Variants in BDP1 observed in about 807,000 individuals in gnomAD.
BDP1 encodes BDP1 general transcription factor IIIB subunit.
Under a neutral mutation model 266.6 loss-of-function variants are expected in BDP1, and 169 were observed. The observed-to-expected ratio is 0.63, with a 90% confidence interval of 0.56 to 0.72. The LOEUF (loss-of-function observed/expected upper bound fraction) is 0.72. BDP1 is among the 30% of genes least tolerant of loss of function. The pLI, the probability that BDP1 is intolerant of heterozygous loss-of-function variation, is 0.00. For missense variants in BDP1, 3,015 were observed against 3,053.8 expected, an observed-to-expected ratio of 0.99 and a Z score of 0.30; for synonymous variants, 1,090 against 1,022.4, an observed-to-expected ratio of 1.07 and a Z score of -1.26.
intron 26 of BDP1, among the ~76,000 whole-genome samples, chr5:71,536,755 A>C (rs1766623605): frequency 1.3e-5 from 2 of 152,250 alleles, no homozygotes; most frequent in South Asian, 2.1e-4. Context: ...GCCTGGGCCC[A>C]GGAGGTTGAG....
chr5:71,528,306 C>G (rs186295421), intron 25 of BDP1, among the ~76,000 whole-genome samples: 1 of 152,170 alleles, frequency 6.6e-6, no homozygotes, highest in Non-Finnish European at 1.5e-5. Flanking sequence ...ACTAGAGAAA[C>G]GTGTTGAACA....
At chr5:71,460,020 A>G (rs1460285162) in intron 2 of BDP1, among the ~76,000 whole-genome samples, 2 of 152,206 alleles carry the variant, frequency 1.3e-5, no homozygotes, top group Admixed American at 6.5e-5. Context: ...GAGATGCTCA[A>G]CCTCTATCTA....
chr5:71,506,421 T>C (rs1764578929), intron 16 of BDP1, among the ~76,000 whole-genome samples: 1 of 152,128 alleles, frequency 6.6e-6, no homozygotes, highest in Admixed American at 6.6e-5. Context: ...CCACATATGT[T>C]GGCCTGTTCA....
intron 11 of BDP1, among the ~76,000 whole-genome samples, chr5:71,493,513 A>G (rs1332293705): frequency 6.6e-6 from 1 of 152,178 alleles, no homozygotes; most frequent in African/African-American, 2.4e-5. Flanking sequence ...AGCATGAGCC[A>G]CTGTGTCTGG....
At chr5:71,530,751 G>A (rs930791934) in intron 25 of BDP1, among the ~76,000 whole-genome samples, 2 of 152,122 alleles carry the variant, frequency 1.3e-5, no homozygotes, top group African/African-American at 2.4e-5. Flanking sequence ...TTGTATCTGA[G>A]GAAACAGATG....
chr5:71,527,659 T>G (rs1356568769), intron 25 of BDP1, among the ~76,000 whole-genome samples: 2 of 152,172 alleles, frequency 1.3e-5, no homozygotes, highest in Admixed American at 1.3e-4. Flanking sequence ...GTTTATTCCT[T>G]TATCATCAAT....
chr5:71,461,728 G>T, intron 2 of BDP1, 89 bp from the exon 3 acceptor site: 1 of 695,120 alleles, frequency 1.4e-6, no homozygotes, highest in Non-Finnish European at 2.5e-6. Flanking sequence ...CACTTACAGT[G>T]AACGCAACAG....
chr5:71,504,776 A>T (rs1764481533), intron 16 of BDP1, 25 bp downstream of exon 16: 13 of 1,604,804 alleles, frequency 8.1e-6, no homozygotes, highest in Non-Finnish European at 9.3e-6. Flanking sequence ...GTTGATATAT[A>T]ATCTTTGGAT....
intron 9 of BDP1, 39 bp downstream of exon 9, chr5:71,486,666 A>G (rs370385966): frequency 4.1e-6 from 6 of 1,454,030 alleles, no homozygotes; most frequent in Non-Finnish European, 5.4e-6. Flanking sequence ...TTTACTTAGT[A>G]GTAATAAACT....
chr5:71,576,225 T>C, the BDP1 span, among the ~76,000 whole-genome samples: 2 of 152,168 alleles, frequency 1.3e-5, no homozygotes, highest in Admixed American at 6.5e-5. Flanking sequence ...TCCCCAGCAG[T>C]ATGACCCATA....
intron 7 of BDP1, among the ~76,000 whole-genome samples, chr5:71,478,067 A>G (rs1295261771): frequency 1.3e-5 from 2 of 152,140 alleles, no homozygotes; most frequent in Non-Finnish European, 2.9e-5. Flanking sequence ...GCTGACCAAC[A>G]TGGAGGAACC....
chr5:71,481,663 G>A (rs1402463715), intron 7 of BDP1, among the ~76,000 whole-genome samples: 2 of 152,134 alleles, frequency 1.3e-5, no homozygotes, highest in Non-Finnish European at 2.9e-5. Flanking sequence ...CTTTGTTGAG[G>A]CAGATCTAGA....
Position 71,455,901 on chromosome 5 carries a change from C to T in BDP1, c.24C>T (p.Ser8=), listed in dbSNP as rs1340928015. 1.5e-5 allele frequency: 24 copies of T among 1,601,212 alleles called. No individual in the cohort carries two copies. Among genetic ancestry groups the T allele is most frequent in the Non-Finnish European group, 2.0e-5 (24 of 1,174,312 alleles). MFRRARL[S]VKPNVRPGVG... ...CCATGTTCCGCAGGGCACGCCTTAG[C>T]GTGAAGCCGAATGTCAGGCCTGGTG... The change falls in exon 1 of 39, where the codon AGC becomes AGT. Residue 8 remains serine (S), a synonymous_variant. Transcript: ENST00000358731.
chr5:71,570,338 G>GGTAT (rs1744226236), downstream of BDP1, among the ~76,000 whole-genome samples: 1 of 152,140 alleles, frequency 6.6e-6, no homozygotes, highest in African/African-American at 2.4e-5. Flanking sequence ...GAAGATTTAT[G>GGTAT]GTATACCCAT....
At position 71,525,382 on chromosome 5, in the gene BDP1, G is replaced by A. The variant is rs867256124; in HGVS notation, c.5772+1059G>A. 2.5e-4 allele frequency among the ~76,000 whole-genome samples: 35 copies of A among 142,198 alleles called. 1 individual carries two copies. Among genetic ancestry groups the A allele is most frequent in the Admixed American group, 7.7e-4 (11 of 14,286 alleles). 93.3% of individuals were successfully genotyped at this position (142,198 alleles called of 152,430 possible). On this transcript the variant is annotated intron_variant, in intron 25 of 38. Coordinates refer to ENST00000358731, the MANE Select transcript of BDP1 (RefSeq NM_018429.3). ...CACCTCCCGGATGGGGCGGCTGGCC[G>A]GGCGGGGGGCTGACCCCCCCACCTC...
chr5:71,545,997 C>T (rs143820418), intron 32 of BDP1, among the ~76,000 whole-genome samples: 71 of 151,792 alleles, frequency 4.7e-4, no homozygotes, highest in African/African-American at 1.5e-3. Context: ...ACCCTGTTTC[C>T]AAGAACAAAC....
At chr5:71,468,427 C>T (rs560636444) in intron 6 of BDP1, among the ~76,000 whole-genome samples, 3 of 151,486 alleles carry the variant, frequency 2.0e-5, no homozygotes, top group Non-Finnish European at 4.4e-5. Context: ...AGATTATAGG[C>T]GTGAGTCGTT....
chr5:71,573,804 A>G, the BDP1 span, among the ~76,000 whole-genome samples: 1 of 152,202 alleles, frequency 6.6e-6, no homozygotes, highest in African/African-American at 2.4e-5. Context: ...CAGTGTGTAC[A>G]GGCCACTAAA....
At chr5:71,513,885 AT>A (rs562114559) in intron 19 of BDP1, among the ~76,000 whole-genome samples, 74 of 146,260 alleles carry the variant, frequency 5.1e-4, no homozygotes, top group Non-Finnish European at 5.0e-4. Flanking sequence ...TGTCCGGCTA[AT>A]TTTTTTTTTT....
Sources: gnomAD v4.1 joint callset for allele counts (sites outside exome capture counted in the v4.1 genomes callset) on GRCh38, gnomAD v4.1.1 for gene constraint, MANE v1.5 for transcripts, NCBI Gene and HGNC (gene_info 2026-07-23, HGNC 2026-07-21) for gene names.